MTX2: variants seen among roughly 807,000 people sequenced by gnomAD.
The protein encoded by MTX2 is metaxin 2.
In MTX2, 35 loss-of-function variants were observed where a neutral mutation model predicts 42.3. The ratio of observed to expected loss-of-function variants is 0.83; its 90% CI spans 0.63 to 1.10. The LOEUF (loss-of-function observed/expected upper bound fraction) is 1.10. MTX2 is among the 50% of genes least tolerant of loss of function. The pLI is 0.00. For missense variants in MTX2, 307 were observed against 304.1 expected (o/e 1.01, Z -0.07); for synonymous variants, 119 against 100.9 (o/e 1.18, Z -1.08).
rs1683928125 is a variant in MTX2 at position 176,297,854 on chromosome 2, C to A, written c.94C>A (p.Gln32Lys). The change falls in exon 3 of 10, where the codon CAA becomes AAA. Residue 32 changes from glutamine to lysine, a missense_variant. Physicochemically the swap from Gln to Lys is moderately conservative, Grantham distance 53. Transcript: ENST00000249442. ...ATLYQQLKGE[Q>K]ILLSDNAASL... ...GCTTCATTGTATTTCCACAGGGGAGCAAATTTTACTTTCTGACAATGCAGC... is the reference window on the plus strand; with the variant it reads ...GCTTCATTGTATTTCCACAGGGGAGAAAATTTTACTTTCTGACAATGCAGC... The A allele has an allele frequency of 6.4e-7, 1 of 1,561,880 alleles. No individual in the cohort carries two copies.
At chr2:176,301,592 T>C (rs562876823) in intron 3 of MTX2, among the ~76,000 whole-genome samples, 2 of 152,210 alleles carry the variant, frequency 1.3e-5, no homozygotes, top group African/African-American at 4.8e-5. Flanking sequence ...GTTACATAAA[T>C]AGTATGTGGC....
At chr2:176,289,606 A>G (rs1322676956) in intron 1 of MTX2, among the ~76,000 whole-genome samples, 2 of 152,122 alleles carry the variant, frequency 1.3e-5, no homozygotes, top group African/African-American at 4.8e-5. Context: ...TAAAAATGAT[A>G]AAAATTTATT....
chr2:176,300,954 T>G (rs1263567642), intron 3 of MTX2, among the ~76,000 whole-genome samples: 2 of 152,130 alleles, frequency 1.3e-5, no homozygotes, highest in Non-Finnish European at 2.9e-5. Context: ...GTATTCAATG[T>G]TAGTAAGAGG....
chr2:176,283,742 T>C (rs1043099672), intron 1 of MTX2, among the ~76,000 whole-genome samples: 1 of 152,234 alleles, frequency 6.6e-6, no homozygotes, highest in African/African-American at 2.4e-5. Context: ...TTGAAGGATA[T>C]TTGTTTTCTG....
chr2:176,307,742 C>G (rs1220857275), intron 3 of MTX2, among the ~76,000 whole-genome samples: 1 of 152,134 alleles, frequency 6.6e-6, no homozygotes, highest in African/African-American at 2.4e-5. Flanking sequence ...GATTTTTGCA[C>G]ATTGATTTTG....
intron 3 of MTX2, among the ~76,000 whole-genome samples, chr2:176,315,008 G>A (rs1439009447): frequency 6.6e-6 from 1 of 152,172 alleles, no homozygotes; most frequent in Non-Finnish European, 1.5e-5. Context: ...ATAGTATGAT[G>A]TACATTTGTA....
chr2:176,273,647 T>C (rs957033223), intron 1 of MTX2, among the ~76,000 whole-genome samples: 1 of 152,182 alleles, frequency 6.6e-6, no homozygotes, highest in African/African-American at 2.4e-5. Context: ...TTCTCTGAAC[T>C]CCCCAGTTTA....
At chr2:176,313,101 G>A (rs1684355163) in intron 3 of MTX2, among the ~76,000 whole-genome samples, 1 of 151,780 alleles carries the variant, frequency 6.6e-6, no homozygotes, top group South Asian at 2.1e-4. Context: ...CCAAGGTTAA[G>A]TGGTCTTTCT....
intron 1 of MTX2, 135 bp from the exon 2 acceptor site, chr2:176,296,725 A>C: frequency 1.3e-6 from 1 of 788,122 alleles, no homozygotes; most frequent in Non-Finnish European, 2.2e-6. Context: ...AGATAGTGTG[A>C]TTAGTTGCCA....
At chr2:176,270,531 T>C in intron 1 of MTX2, 1 of 666,110 alleles carries the variant, frequency 1.5e-6, no homozygotes, top group East Asian at 6.3e-5. Context: ...GCTAATGGAA[T>C]TAGTCATAAC....
intron 3 of MTX2, among the ~76,000 whole-genome samples, chr2:176,315,662 T>C (rs759304171): frequency 2.0e-5 from 3 of 152,206 alleles, no homozygotes; most frequent in Non-Finnish European, 4.4e-5. Flanking sequence ...CACAATTACC[T>C]ATAAGGTCCT....
chr2:176,337,752 C>A lies in MTX2; in HGVS notation c.*88C>A. ...GATATTGGTGTCAGAATTTTAAAAC[C>A]AAATTACTGCTTTTTGAAACCTCAA... On this transcript the variant is annotated 3_prime_UTR_variant, in exon 10 of 10. Transcript: ENST00000249442. The A allele has an allele frequency of 8.2e-7, 1 of 1,221,550 alleles. No individual in the cohort carries two copies. Among genetic ancestry groups the A allele is most frequent in the Non-Finnish European group, 1.1e-6 (1 of 892,292 alleles). 75.7% of individuals were successfully genotyped at this position (1,221,550 alleles called of 1,614,324 possible). A position where few individuals can be genotyped will look rare whatever the true frequency, so the allele number is the denominator to read the frequency against.
chr2:176,328,197 G>T, intron 5 of MTX2, 96 bp from the exon 6 acceptor site: 2 of 666,516 alleles, frequency 3.0e-6, no homozygotes, highest in East Asian at 6.0e-5. Flanking sequence ...TTAATTCATT[G>T]TATAGTTGCA....
intron 1 of MTX2, among the ~76,000 whole-genome samples, chr2:176,282,126 GTT>G (rs71004264): frequency 3.8e-5 from 1 of 26,432 alleles, no homozygotes; most frequent in South Asian, 1.6e-3. Context: ...AGTTACAGTA[GTT>G]TTTTTTTTTT....
At chr2:176,332,932 A>G (rs1387637266) in intron 9 of MTX2, among the ~76,000 whole-genome samples, 2 of 151,392 alleles carry the variant, frequency 1.3e-5, no homozygotes, top group Non-Finnish European at 3.0e-5. Context: ...AAAATCTTAA[A>G]TGGAAAATGT....
intron 3 of MTX2, among the ~76,000 whole-genome samples, chr2:176,317,579 G>A (rs1484731952): frequency 1.3e-5 from 2 of 151,984 alleles, no homozygotes; most frequent in African/African-American, 4.8e-5. Flanking sequence ...ATATTGAGAG[G>A]TCATTTTTGT....
chr2:176,324,240 T>TTTCC (rs1684657618), intron 4 of MTX2, among the ~76,000 whole-genome samples: 2 of 151,612 alleles, frequency 1.3e-5, no homozygotes, highest in African/African-American at 4.8e-5. Context: ...GGGAGACATT[T>TTTCC]TTCATTTTGA....
At chr2:176,282,140 T>TG (rs1693095391) in intron 1 of MTX2, among the ~76,000 whole-genome samples, 1 of 142,504 alleles carries the variant, frequency 7.0e-6, no homozygotes, top group African/African-American at 2.6e-5. Flanking sequence ...TTTTTTTTTT[T>TG]TTTTTTTTTT....
chr2:176,273,920 A>T (rs1289039481), intron 1 of MTX2, among the ~76,000 whole-genome samples: 5 of 151,824 alleles, frequency 3.3e-5, no homozygotes, highest in Non-Finnish European at 5.9e-5. Flanking sequence ...CCTTAAAAAA[A>T]AAAAAACCTC....
Sources: allele counts gnomAD v4.1 joint callset (sites outside exome capture counted in the v4.1 genomes callset), GRCh38; gene constraint gnomAD v4.1.1; transcripts MANE v1.5; gene names NCBI Gene and HGNC (gene_info 2026-07-23, HGNC 2026-07-21).